Variants in ZNF451 observed in about 807,000 individuals in gnomAD.
ZNF451 encodes the protein E3 SUMO-protein ligase ZNF451.
In ZNF451, 80 loss-of-function variants were observed where a neutral mutation model predicts 107.1. That is an observed-to-expected ratio of 0.75 (90% confidence interval 0.62 to 0.90). The LOEUF is 0.90. Among genes scored for constraint, ZNF451 ranks in the 40% least tolerant of loss-of-function variants. The probability of loss-of-function intolerance (pLI) is 0.00; values close to 1 mark genes in which losing one functional copy is unlikely to be tolerated. For synonymous variants in ZNF451, 362 were observed against 406.5 expected (o/e 0.89, Z 1.32); for missense variants, 1,107 against 1,236.2 (o/e 0.90, Z 1.57).
At chr6:57,097,674 T>G (rs1829391435) in intron 2 of ZNF451, among the ~76,000 whole-genome samples, 1 of 152,114 alleles carries the variant, frequency 6.6e-6, no homozygotes, top group Non-Finnish European at 1.5e-5. Context: ...GATAGTTCAG[T>G]TTAGTTCTAG....
intron 3 of ZNF451, among the ~76,000 whole-genome samples, chr6:57,100,163 A>AT (rs920767198): frequency 6.6e-6 from 1 of 151,978 alleles, no homozygotes; most frequent in Admixed American, 6.6e-5. Context: ...GGAGTTTTAG[A>AT]TTTTTTTTCT....
At chr6:57,102,638 T>C (rs1290347085) in intron 3 of ZNF451, 22 of 985,744 alleles carry the variant, frequency 2.2e-5, no homozygotes, top group Non-Finnish European at 2.5e-5. Flanking sequence ...CAAGAGTCCG[T>C]ACTACTATCA....
At chr6:57,144,165 G>T (rs950586550) in intron 9 of ZNF451, among the ~76,000 whole-genome samples, 14 of 149,432 alleles carry the variant, frequency 9.4e-5, no homozygotes, top group African/African-American at 3.5e-4. Flanking sequence ...ATATCTTTAT[G>T]TGAAAAATAG....
chr6:57,100,135 T>G (rs2127938392), intron 3 of ZNF451, among the ~76,000 whole-genome samples: 1 of 150,030 alleles, frequency 6.7e-6, no homozygotes, highest in Admixed American at 6.6e-5. Context: ...CAGAGGTGCC[T>G]AAAATGACTC....
chr6:57,102,637 G>T, intron 3 of ZNF451: 4 of 985,800 alleles, frequency 4.1e-6, no homozygotes, highest in Non-Finnish European at 4.8e-6. Flanking sequence ...CCAAGAGTCC[G>T]TACTACTATC....
At chr6:57,146,283 C>G (rs1272894588) in intron 9 of ZNF451, among the ~76,000 whole-genome samples, 1 of 151,758 alleles carries the variant, frequency 6.6e-6, no homozygotes, top group Non-Finnish European at 1.5e-5. Context: ...CTTTTAAGTC[C>G]CATTTGTCTA....
chr6:57,153,890 G>T lies in ZNF451; in HGVS notation c.2913G>T (p.Lys971Asn), dbSNP rs1294489955. 1 of 1,614,150 alleles carries T rather than the reference G, an allele frequency of 6.2e-7. No individual in the cohort carries two copies. The highest frequency in any genetic ancestry group is 1.1e-5 in the South Asian group (1 of 91,088). Residue 971 changes from lysine (K) to asparagine (N), a missense_variant, in exon 13 of 15, where the codon AAG (lysine) becomes AAT (asparagine). Around this residue, in one of 5 missense-constraint regions of ZNF451, gnomAD observed 151 missense variants for 173.3 expected, o/e 0.87. Coordinates refer to ENST00000370706, the MANE Select transcript of ZNF451 (RefSeq NM_001031623.3). Reference sequence around the variant, plus strand: ...GCCGTCTAGATGAACAACTACCCAAGCAAATTCCTTTCACCATCCTCTCAG... The same window carrying T: ...GCCGTCTAGATGAACAACTACCCAATCAAATTCCTTTCACCATCCTCTCAG... Reference protein sequence around the residue: ...HAGRLDEQLPKQIPFTILSGD... With the variant: ...HAGRLDEQLPNQIPFTILSGD...
chr6:57,097,221 C>A (rs1593075061), intron 2 of ZNF451, among the ~76,000 whole-genome samples: 1 of 152,204 alleles, frequency 6.6e-6, no homozygotes, highest in Admixed American at 6.5e-5. Context: ...CAGATCCCTG[C>A]CCAGTTTTGC....
chr6:57,102,215 G>C, intron 3 of ZNF451: 1 of 1,414,322 alleles, frequency 7.1e-7, no homozygotes, highest in Non-Finnish European at 9.2e-7. Flanking sequence ...TGCATGTCTG[G>C]AATGATCACA....
intron 6 of ZNF451, 72 bp downstream of exon 6, chr6:57,133,264 C>G: frequency 7.1e-7 from 1 of 1,409,470 alleles, no homozygotes; most frequent in Non-Finnish European, 9.9e-7. Flanking sequence ...AAAATGAAAG[C>G]GTAATGCTCC....
chr6:57,113,614 A>G lies in ZNF451; in HGVS notation c.187-11120A>G, dbSNP rs1224030786. On this transcript the variant is annotated intron_variant, in intron 3 of 14. Transcript: ENST00000370706. ...AATATACTCATGGGTCTTCTGAGAA[A>G]AAAAAATTTTTTTTTTTTTTTTTTT... is the stretch of plus-strand genomic sequence containing the variant. 3.3e-5 allele frequency among the ~76,000 whole-genome samples: 5 copies of G among 151,842 alleles called. No individual in the cohort carries two copies. In the East Asian group the frequency reaches 9.7e-4, roughly 29 times the overall value.
At chr6:57,102,497 G>C in intron 3 of ZNF451, 2 of 992,554 alleles carry the variant, frequency 2.0e-6, no homozygotes, top group Non-Finnish European at 2.4e-6. Flanking sequence ...CTAGATGTCT[G>C]TTTACTAAGA....
intron 4 of ZNF451, among the ~76,000 whole-genome samples, chr6:57,126,201 A>T (rs1020477101): frequency 2.0e-5 from 3 of 151,978 alleles, no homozygotes; most frequent in Non-Finnish European, 4.4e-5. Context: ...TACATTGAAG[A>T]TTTTTTTTGA....
intron 9 of ZNF451, among the ~76,000 whole-genome samples, chr6:57,146,519 G>T (rs909256820): frequency 4.6e-5 from 7 of 152,212 alleles, no homozygotes; most frequent in South Asian, 4.2e-4. Context: ...TTATTAAATA[G>T]GGTGTCCTTT....
intron 10 of ZNF451, among the ~76,000 whole-genome samples, chr6:57,150,334 G>GT (rs772540081): frequency 1.3e-5 from 2 of 152,236 alleles, no homozygotes; most frequent in Non-Finnish European, 2.9e-5. Context: ...TTCTTAATAG[G>GT]TAACCTTGGA....
At chr6:57,105,662 G>C (rs972319259) in intron 3 of ZNF451, 6 of 985,098 alleles carry the variant, frequency 6.1e-6, no homozygotes, top group Non-Finnish European at 4.8e-6. Context: ...TAATTTTGGG[G>C]GGCCTTAAGG....
At position 57,148,011 on chromosome 6, in the gene ZNF451, A is replaced by G; in HGVS notation, c.1926A>G (p.Arg642=). 6.2e-7 allele frequency: 1 copy of G among 1,614,120 alleles called. No homozygotes were observed. The highest frequency in any genetic ancestry group is 8.5e-7 in the Non-Finnish European group (1 of 1,179,978). ...ATAGATACAGCTGTGCTCACTGCAG[A>G]AAGCCTTTTCATAAGATAGAAACAT... is the stretch of plus-strand genomic sequence containing the variant. The part of the protein sequence containing the change: ...KFHRYSCAHC[R]KPFHKIETLY... Residue 642 remains arginine (R), a synonymous_variant, in exon 10 of 15, where the codon AGA becomes AGG. Coordinates refer to ENST00000370706, the MANE Select transcript of ZNF451 (RefSeq NM_001031623.3).
In ZNF451 at chr6:57,147,551, A is replaced by C. The variant is rs1339423393; in HGVS notation, c.1466A>C (p.His489Pro). 1.2e-6 allele frequency: 2 copies of C among 1,614,176 alleles called. No individual in the cohort carries two copies. Among genetic ancestry groups the C allele is most frequent in the Admixed American group, 3.3e-5 (2 of 60,016 alleles). The change falls in exon 10 of 15, where the codon CAT (histidine) becomes CCT (proline). Residue 489 changes from histidine to proline, a missense_variant. By Grantham distance (77) the His-to-Pro change is moderately conservative. This residue lies in a region of ZNF451 where 608 missense variants were observed against 649.2 expected (regional missense o/e 0.94). Transcript: ENST00000370706. ...RFPSEDAVEK[H>P]VFSANTMGYK... ...CCAAGTGAAGATGCAGTAGAAAAGC[A>C]TGTTTTCTCAGCAAACACAATGGGT...
At chr6:57,101,476 C>T (rs755876973) in intron 3 of ZNF451, 30 of 1,550,802 alleles carry the variant, frequency 1.9e-5, no homozygotes, top group Non-Finnish European at 2.5e-5. Context: ...AGCATTAGAA[C>T]ACAGCAAAAG....
Sources: allele counts gnomAD v4.1 joint callset (sites outside exome capture counted in the v4.1 genomes callset), GRCh38; gene constraint gnomAD v4.1.1; regional missense constraint gnomAD v4.1.1; transcripts MANE v1.5; gene names NCBI Gene and HGNC (gene_info 2026-07-23, HGNC 2026-07-21).